The following AQR variants were observed in gnomAD, a reference collection of about 807,000 sequenced individuals.
AQR encodes the protein RNA helicase aquarius.
Under a neutral mutation model 180.5 loss-of-function variants are expected in AQR, and 61 were observed. That is an observed-to-expected ratio of 0.34 (90% CI 0.28 to 0.42). The LOEUF (loss-of-function observed/expected upper bound fraction) is 0.42. AQR is among the 10% of genes least tolerant of loss of function. AQR has a pLI of 1.00. For missense variants in AQR, 1,281 were observed against 1,798.3 expected, an observed-to-expected ratio of 0.71 and a Z score of 5.20; for synonymous variants, 551 against 588.8, an observed-to-expected ratio of 0.94 and a Z score of 0.93.
At chr15:34,943,002 C>T (rs1595805401) in intron 6 of AQR, 1 of 1,443,036 alleles carries the variant, frequency 6.9e-7, no homozygotes, top group East Asian at 2.3e-5. Context: ...AAAATCACAT[C>T]TATTTATATT....
chr15:34,915,423 C>A (rs1229356055), intron 15 of AQR, among the ~76,000 whole-genome samples: 1 of 151,582 alleles, frequency 6.6e-6, no homozygotes, highest in African/African-American at 2.4e-5. Flanking sequence ...AACTCCTGAC[C>A]TTGTGATCTG....
In AQR at chr15:34,915,168, G is replaced by C. The variant is rs1385264787; in HGVS notation, c.1354C>G (p.Leu452Val). The C allele has an allele frequency of 6.3e-7, 1 of 1,580,962 alleles. No homozygotes were observed. Residue 452 changes from leucine to valine, a missense_variant, in exon 16 of 35, where the codon CTT (leucine) becomes GTT (valine). Coordinates refer to ENST00000156471, the MANE Select transcript of AQR (RefSeq NM_014691.3). ...EYYSGEGCLA[L>V]PKLNLQFLTL... ...AAAAACTGCAAATTCAATTTGGGAA[G>C]AGCAAGACAACCTGAAAAGGAAAAA... is the stretch of plus-strand genomic sequence containing the variant.
Position 34,915,094 on chromosome 15 carries a change from T to C in AQR, c.1428A>G (p.Glu476=), listed in dbSNP as rs780441378. 1 of 1,613,124 alleles carries C rather than the reference T, an allele frequency of 6.2e-7. No homozygotes were observed. Among genetic ancestry groups the C allele is most frequent in the South Asian group, 1.1e-5 (1 of 90,704 alleles). Residue 476 remains glutamate, a synonymous_variant, in exon 16 of 35, where the codon GAA becomes GAG. Coordinates refer to ENST00000156471, the MANE Select transcript of AQR (RefSeq NM_014691.3). ...TGTCCTGACGAATTTCATAAGTTGATTCTAAGCGGAAGAGGTTAAAGTTCC... is the reference window on the plus strand; with the variant it reads ...TGTCCTGACGAATTTCATAAGTTGACTCTAAGCGGAAGAGGTTAAAGTTCC... ...LLRNFNLFRL[E]STYEIRQDIE...
chr15:34,885,291 T>C (rs1488887131), intron 25 of AQR, among the ~76,000 whole-genome samples: 1 of 152,210 alleles, frequency 6.6e-6, no homozygotes, highest in Non-Finnish European at 1.5e-5. Context: ...TTACTTTGTA[T>C]AATGTTAGCT....
At chr15:34,922,827 C>A (rs115150741) in intron 13 of AQR, among the ~76,000 whole-genome samples, 2,090 of 150,424 alleles carry the variant, frequency 0.014, 54 homozygotes, top group African/African-American at 0.047. Flanking sequence ...AAAAAAAAAA[C>A]AAATTCTAAT....
At chr15:34,948,083 GAAGA>G in intron 5 of AQR, 177 bp downstream of exon 5, 1 of 567,132 alleles carries the variant, frequency 1.8e-6, no homozygotes. Context: ...TAAATCGTTT[GAAGA>G]AAGTATTGAA....
At chr15:34,888,966 A>T (rs1440363832) in intron 24 of AQR, among the ~76,000 whole-genome samples, 1 of 152,252 alleles carries the variant, frequency 6.6e-6, no homozygotes, top group African/African-American at 2.4e-5. Context: ...AGAATTTAAA[A>T]GTACATTTTT....
chr15:34,921,462 T>C (rs1287920244), intron 13 of AQR, among the ~76,000 whole-genome samples: 1 of 149,900 alleles, frequency 6.7e-6, no homozygotes, highest in East Asian at 2.0e-4. Context: ...AATGACAAAC[T>C]GTTTATACCA....
intron 6 of AQR, among the ~76,000 whole-genome samples, 171 bp from the exon 7 acceptor site, chr15:34,942,251 CTTA>C (rs150363532): frequency 0.012 from 1,808 of 152,222 alleles, 42 homozygotes; most frequent in African/African-American, 0.041. Context: ...AGACTCCATC[CTTA>C]TTATCTACAG....
At chr15:34,894,025 A>G (rs1893194469) in intron 22 of AQR, among the ~76,000 whole-genome samples, 1 of 152,168 alleles carries the variant, frequency 6.6e-6, no homozygotes, top group African/African-American at 2.4e-5. Flanking sequence ...CAAGTCTAAC[A>G]CTCATGTCAA....
chr15:34,893,305 C>T (rs142735729), intron 23 of AQR, among the ~76,000 whole-genome samples: 259 of 152,186 alleles, frequency 1.7e-3, no homozygotes, highest in African/African-American at 6.1e-3. Context: ...TAAACTACCC[C>T]GATTGGCTAA....
rs769835395 is a variant in AQR, at chr15:34,860,158, A to C, written c.4030-3T>G. 6.9e-7 allele frequency: 1 copy of C among 1,452,252 alleles called. No individual in the cohort carries two copies. Among genetic ancestry groups the C allele is most frequent in the Admixed American group, 2.1e-5 (1 of 46,556 alleles). The allele number at this position is 1,452,252 out of a possible 1,614,324, so 90.0% of individuals were successfully genotyped here. On this transcript the variant is annotated splice_polypyrimidine_tract_variant and splice_region_variant and intron_variant, in intron 33 of 34. Coordinates refer to ENST00000156471, the MANE Select transcript of AQR (RefSeq NM_014691.3). Reference sequence around the variant, plus strand: ...TCATGAGATGGTCTCTCTCCATTCTAGAAGAAGGAAAAAAGAACGTTAAGT... The same window carrying C: ...TCATGAGATGGTCTCTCTCCATTCTCGAAGAAGGAAAAAAGAACGTTAAGT...
intron 27 of AQR, among the ~76,000 whole-genome samples, chr15:34,877,710 AC>A (rs1892908122): frequency 1.3e-5 from 2 of 152,236 alleles, no homozygotes; most frequent in Non-Finnish European, 2.9e-5. Context: ...TTTTTAAAAT[AC>A]AGATTTTAAT....
chr15:34,904,631 A>G, intron 18 of AQR, 126 bp from the exon 19 acceptor site: 1 of 827,396 alleles, frequency 1.2e-6, no homozygotes, highest in East Asian at 2.9e-5. Context: ...CATTCTTCCC[A>G]AAGTAGAATG....
At chr15:34,916,933 T>C (rs1404035781) in intron 15 of AQR, among the ~76,000 whole-genome samples, 6 of 148,708 alleles carry the variant, frequency 4.0e-5, no homozygotes, top group Admixed American at 4.0e-4. Context: ...GTATAGAAGG[T>C]ACCAGTAAAG....
At chr15:34,910,039 A>T in intron 17 of AQR, 96 bp downstream of exon 17, 1 of 1,387,418 alleles carries the variant, frequency 7.2e-7, no homozygotes, top group Non-Finnish European at 1.0e-6. Flanking sequence ...TAAAAGCTTT[A>T]AAGGATAACA....
intron 24 of AQR, among the ~76,000 whole-genome samples, chr15:34,888,974 T>C (rs1176572999): frequency 6.6e-6 from 1 of 152,232 alleles, no homozygotes; most frequent in Non-Finnish European, 1.5e-5. Context: ...AAAGTACATT[T>C]TTTCTAACAA....
At chr15:34,888,957 G>C (rs1255138280) in intron 24 of AQR, among the ~76,000 whole-genome samples, 1 of 152,176 alleles carries the variant, frequency 6.6e-6, no homozygotes, top group African/African-American at 2.4e-5. Flanking sequence ...TTATGTGTCA[G>C]AATTTAAAAG....
At chr15:34,880,926 T>A (rs1231306667) in intron 27 of AQR, among the ~76,000 whole-genome samples, 1 of 152,176 alleles carries the variant, frequency 6.6e-6, no homozygotes, top group Non-Finnish European at 1.5e-5. Flanking sequence ...ACAAGGTTTT[T>A]AAAACTCTTA....
Sources: gnomAD v4.1 joint callset for allele counts (sites outside exome capture counted in the v4.1 genomes callset) on GRCh38, gnomAD v4.1.1 for gene constraint, MANE v1.5 for transcripts, NCBI Gene and HGNC (gene_info 2026-07-23, HGNC 2026-07-21) for gene names.